The following CSMD2 variants were observed in gnomAD, a reference collection of about 807,000 sequenced individuals.
CSMD2 encodes CUB and sushi domain-containing protein 2.
CSMD2 carries 130 observed loss-of-function variants against 398.5 expected under a neutral mutation model. That is an observed-to-expected ratio of 0.33 (90% CI 0.28 to 0.38). CSMD2 has a LOEUF of 0.38. Ranked by LOEUF, CSMD2 falls within the 10% of genes least tolerant of loss-of-function variation. The probability of loss-of-function intolerance (pLI) is 1.00; values close to 1 mark genes in which losing one functional copy is unlikely to be tolerated. For synonymous variants in CSMD2, 1,828 were observed against 1,908.5 expected (o/e 0.96, Z 1.10); for missense variants, 3,829 against 4,764.9 (o/e 0.80, Z 5.78).
rs535348100 is a variant in CSMD2 at position 34,093,262 on chromosome 1, C to T, written c.188-4069G>A. 5.3e-5 allele frequency among the ~76,000 whole-genome samples: 8 copies of T among 152,310 alleles called. No homozygotes were observed. In the South Asian group the frequency reaches 1.2e-3, roughly 24 times the overall value. On this transcript the variant is annotated intron_variant, in intron 1 of 70. Transcript: ENST00000373381. ...TCACAACAAAAACCCATCTGTACAT[C>T]GCCATCATCAAAGACCAAAAGTAGA...
intron 32 of CSMD2, among the ~76,000 whole-genome samples, chr1:33,629,747 T>C (rs948662387): frequency 1.3e-5 from 2 of 151,548 alleles, no homozygotes; most frequent in African/African-American, 4.9e-5. Context: ...CTACAGGTTT[T>C]TTTTTTTTCT....
At chr1:33,840,626 T>C (rs1299262354) in intron 6 of CSMD2, among the ~76,000 whole-genome samples, 1 of 152,210 alleles carries the variant, frequency 6.6e-6, no homozygotes, top group Non-Finnish European at 1.5e-5. Context: ...GAATATGTGC[T>C]TTAAATTCAT....
At chr1:33,702,857 T>A (rs1280453789) in intron 22 of CSMD2, among the ~76,000 whole-genome samples, 2 of 152,136 alleles carry the variant, frequency 1.3e-5, no homozygotes, top group Non-Finnish European at 1.5e-5. Context: ...TAAATCTACC[T>A]GGAATTTATT....
intron 13 of CSMD2, among the ~76,000 whole-genome samples, chr1:33,770,881 C>T (rs1474042215): frequency 1.3e-5 from 2 of 152,186 alleles, no homozygotes; most frequent in Admixed American, 6.5e-5. Flanking sequence ...GCCTGCTGGG[C>T]AGCACTTCAA....
intron 10 of CSMD2, among the ~76,000 whole-genome samples, chr1:33,802,414 T>A (rs1210421110): frequency 2.0e-5 from 3 of 152,232 alleles, no homozygotes; most frequent in African/African-American, 7.2e-5. Context: ...AGCCCATAGA[T>A]GCTCAGTTAA....
At chr1:34,103,585 G>A (rs1660234435) in intron 1 of CSMD2, among the ~76,000 whole-genome samples, 1 of 152,078 alleles carries the variant, frequency 6.6e-6, no homozygotes, top group Admixed American at 6.6e-5. Context: ...GTGAGCCACT[G>A]CGTCCGACCC....
intron 3 of CSMD2, among the ~76,000 whole-genome samples, chr1:33,942,462 T>C (rs941605384): frequency 1.3e-5 from 2 of 152,254 alleles, no homozygotes; most frequent in African/African-American, 2.4e-5. Flanking sequence ...GGGCATCAGA[T>C]GGAGGATGCC....
At chr1:33,823,292 C>T (rs1490883131) in intron 7 of CSMD2, among the ~76,000 whole-genome samples, 1 of 152,200 alleles carries the variant, frequency 6.6e-6, no homozygotes, top group Non-Finnish European at 1.5e-5. Context: ...GGATGGTGGT[C>T]CCACGAGGAT....
chr1:33,600,652 A>C, intron 44 of CSMD2: 2 of 587,330 alleles, frequency 3.4e-6, no homozygotes, highest in Non-Finnish European at 6.0e-6. Context: ...GCAGTGTGGA[A>C]TAGGAGGAAA....
In CSMD2 at chr1:33,583,675, C is replaced by T. The variant is rs761194377; in HGVS notation, c.7207G>A (p.Glu2403Lys). Residue 2403 changes from glutamate (E) to lysine (K), a missense_variant, in exon 47 of 71, where the codon GAG becomes AAG. Around this residue, in one of 5 missense-constraint regions of CSMD2, gnomAD observed 723 missense variants for 758.6 expected, o/e 0.95. Transcript: ENST00000373381. ...ATCTCAAACTCATCATATTGCTTCT[C>T]GCTGAGGAAGTACTCCACTGTGAGG... Reference protein sequence around the residue: ...ISLTVEYFLSEKQYDEFEIFD... With the variant: ...ISLTVEYFLSKKQYDEFEIFD... 5 of 1,614,030 alleles carry T rather than the reference C, an allele frequency of 3.1e-6. No individual in the cohort carries two copies. In the South Asian group the frequency reaches 3.3e-5, roughly 11 times the overall value.
intron 27 of CSMD2, 97 bp downstream of exon 27, chr1:33,657,849 G>A: frequency 8.2e-7 from 1 of 1,215,442 alleles, no homozygotes; most frequent in Non-Finnish European, 1.2e-6. Context: ...CAATTCTCTT[G>A]GCCCCAGGCC....
At chr1:34,111,319 C>T (rs1661056976) in intron 1 of CSMD2, among the ~76,000 whole-genome samples, 1 of 152,204 alleles carries the variant, frequency 6.6e-6, no homozygotes, top group Non-Finnish European at 1.5e-5. Flanking sequence ...AAACCCAGCC[C>T]ACAATGAAAA....
intron 1 of CSMD2, among the ~76,000 whole-genome samples, chr1:34,090,138 C>A (rs1658384718): frequency 6.6e-6 from 1 of 152,166 alleles, no homozygotes; most frequent in Admixed American, 6.5e-5. Context: ...AGAAACACTC[C>A]TCCGGGCCAG....
At chr1:33,656,570 T>C (rs1372137585) in intron 27 of CSMD2, among the ~76,000 whole-genome samples, 1 of 152,174 alleles carries the variant, frequency 6.6e-6, no homozygotes, top group Non-Finnish European at 1.5e-5. Flanking sequence ...TGCCTCCCAT[T>C]AAGCCTGAGT....
chr1:33,897,983 G>T (rs1642503959), intron 5 of CSMD2, among the ~76,000 whole-genome samples: 1 of 152,136 alleles, frequency 6.6e-6, no homozygotes, highest in African/African-American at 2.4e-5. Flanking sequence ...AAGACCCTGG[G>T]TTCCTAGTCA....
At position 33,883,241 on chromosome 1, in the gene CSMD2, A is replaced by G. The variant is rs78061806; in HGVS notation, c.920+34853T>C. 3.2e-3 allele frequency among the ~76,000 whole-genome samples: 493 copies of G among 152,318 alleles called. 3 individuals are homozygous for G. Among genetic ancestry groups the G allele is most frequent in the African/African-American group, 0.012 (489 of 41,576 alleles). On this transcript the variant is annotated intron_variant, in intron 5 of 70. Coordinates refer to ENST00000373381, the MANE Select transcript of CSMD2 (RefSeq NM_001281956.2). ...CTCTCAGTAGGTGATATATTGGTAT[A>G]TGTCTTAGGCTGCGGAGTAAAAAAG...
At chr1:33,535,539 C>T (rs555525713) in intron 62 of CSMD2, among the ~76,000 whole-genome samples, 2 of 152,286 alleles carry the variant, frequency 1.3e-5, no homozygotes, top group Non-Finnish European at 2.9e-5. Context: ...TGACTATACC[C>T]ACAAATTTCC....
intron 7 of CSMD2, among the ~76,000 whole-genome samples, chr1:33,823,015 T>C (rs1014902174): frequency 6.6e-6 from 1 of 152,184 alleles, no homozygotes; most frequent in Non-Finnish European, 1.5e-5. Flanking sequence ...TCCCCTTCTC[T>C]TGCCCTCTCA....
chr1:34,137,225 C>T (rs9426001), intron 1 of CSMD2, among the ~76,000 whole-genome samples: 47,510 of 151,762 alleles, frequency 0.31, 8,634 homozygotes, highest in Non-Finnish European at 0.41. Context: ...TCATCCCACC[C>T]CATAGCCTAG....
Sources: allele counts gnomAD v4.1 joint callset (sites outside exome capture counted in the v4.1 genomes callset), GRCh38; gene constraint gnomAD v4.1.1; regional missense constraint gnomAD v4.1.1; transcripts MANE v1.5; gene names NCBI Gene and HGNC (gene_info 2026-07-23, HGNC 2026-07-21).